The following PHF14 variants were observed in gnomAD, a reference collection of about 807,000 sequenced individuals.
PHF14 encodes PHD finger protein 14.
A neutral mutation model predicts 117.9 loss-of-function variants in PHF14; 55 were observed. The observed-to-expected ratio is 0.47, with a 90% confidence interval of 0.38 to 0.58. The LOEUF (loss-of-function observed/expected upper bound fraction) is 0.58. Among genes scored for constraint, PHF14 ranks in the 20% least tolerant of loss-of-function variants. The pLI is 0.00. For missense variants in PHF14, 978 were observed against 1,122.2 expected, an observed-to-expected ratio of 0.87 and a Z score of 1.84; for synonymous variants, 409 against 368.6, an observed-to-expected ratio of 1.11 and a Z score of -1.26.
chr7:11,169,371 G>A (rs1208249645), intron 17 of PHF14, 45 bp from the exon 18 acceptor site: 5 of 886,190 alleles, frequency 5.6e-6, no homozygotes, highest in South Asian at 1.7e-5. Context: ...GCTGATAAAT[G>A]CTCTAAAGTT....
At chr7:11,102,851 G>A (rs1421700518) in intron 16 of PHF14, 1 of 1,184,522 alleles carries the variant, frequency 8.4e-7, no homozygotes, top group Non-Finnish European at 1.1e-6. Context: ...GTCGTATTAA[G>A]TAATGTCTTT....
At chr7:11,065,271 A>G (rs1054728088) in intron 16 of PHF14, among the ~76,000 whole-genome samples, 4 of 152,190 alleles carry the variant, frequency 2.6e-5, no homozygotes, top group Admixed American at 2.6e-4. Flanking sequence ...TCTAAATGCT[A>G]AAGGTCAAGT....
At chr7:11,106,402 A>G in intron 16 of PHF14, 1 of 963,240 alleles carries the variant, frequency 1.0e-6, no homozygotes, top group Non-Finnish European at 1.2e-6. Flanking sequence ...AAATGATTAA[A>G]AACCATTTTC....
intron 17 of PHF14, among the ~76,000 whole-genome samples, chr7:11,152,790 A>C (rs1047819346): frequency 6.6e-6 from 1 of 152,188 alleles, no homozygotes; most frequent in Non-Finnish European, 1.5e-5. Flanking sequence ...GGAAGGGCAG[A>C]TTTTGTGCAT....
chr7:11,112,700 G>C (rs945121448), intron 17 of PHF14, among the ~76,000 whole-genome samples: 7 of 152,040 alleles, frequency 4.6e-5, no homozygotes, highest in African/African-American at 1.4e-4. Flanking sequence ...GAACCCGGGA[G>C]GCAGAGGTTG....
intron 17 of PHF14, among the ~76,000 whole-genome samples, chr7:11,111,777 A>G (rs904978504): frequency 1.3e-5 from 2 of 152,052 alleles, no homozygotes; most frequent in Non-Finnish European, 2.9e-5. Context: ...CACACTTGAG[A>G]ATGGCAGGAA....
intron 17 of PHF14, among the ~76,000 whole-genome samples, chr7:11,165,868 G>T (rs1386052146): frequency 6.6e-6 from 1 of 152,166 alleles, no homozygotes; most frequent in East Asian, 1.9e-4. Context: ...ACATGGCAGT[G>T]TGTTTACTTA....
chr7:10,975,709 T>C (rs1351032809), intron 2 of PHF14, among the ~76,000 whole-genome samples: 1 of 152,196 alleles, frequency 6.6e-6, no homozygotes, highest in Non-Finnish European at 1.5e-5. Flanking sequence ...ATGAAAATTA[T>C]GTGTAATTCC....
intron 4 of PHF14, among the ~76,000 whole-genome samples, chr7:11,003,162 A>C (rs1782941420): frequency 6.6e-6 from 1 of 151,904 alleles, no homozygotes; most frequent in African/African-American, 2.4e-5. Context: ...GATGGTCTTG[A>C]TCTCCTGACC....
chr7:11,086,179 T>G (rs1397888900), intron 16 of PHF14, among the ~76,000 whole-genome samples: 1 of 152,186 alleles, frequency 6.6e-6, no homozygotes, highest in Non-Finnish European at 1.5e-5. Flanking sequence ...TCCAGTTGTC[T>G]TACTAAAACA....
At chr7:11,049,915 A>G (rs1784796729) in intron 13 of PHF14, among the ~76,000 whole-genome samples, 1 of 152,192 alleles carries the variant, frequency 6.6e-6, no homozygotes, top group Non-Finnish European at 1.5e-5. Flanking sequence ...GTAGCAATAG[A>G]TACATAAAAG....
chr7:11,007,723 AC>A (rs748574744), intron 4 of PHF14, among the ~76,000 whole-genome samples: 10 of 152,214 alleles, frequency 6.6e-5, no homozygotes, highest in Admixed American at 1.3e-4. Flanking sequence ...GAAGAAAAAA[AC>A]ATTTCTAATT....
At chr7:11,078,659 A>G (rs1785959716) in intron 16 of PHF14, among the ~76,000 whole-genome samples, 2 of 152,148 alleles carry the variant, frequency 1.3e-5, no homozygotes, top group Non-Finnish European at 2.9e-5. Context: ...CTCTCACCCA[A>G]CAGTGCTATT....
rs564586302 is a variant in PHF14, at chr7:11,081,085, A to T, written c.2654+19000A>T. ...TATATGTGTGTGTGTATTTATATGT[A>T]TATATATGTGAGTGTGTGTATATAA... On this transcript the variant is annotated intron_variant, in intron 16 of 17. Transcript: ENST00000634607. Among the ~76,000 whole-genome samples the T allele has an allele frequency of 5.6e-4, 85 of 152,280 alleles. No individual in the cohort carries two copies. The South Asian group carries it at 0.017, about 30-fold the overall frequency.
At chr7:11,033,314 T>G (rs1784188267) in intron 7 of PHF14, among the ~76,000 whole-genome samples, 1 of 152,186 alleles carries the variant, frequency 6.6e-6, no homozygotes, top group Admixed American at 6.5e-5. Flanking sequence ...GTTCCAGGGA[T>G]CAGTTCCCTT....
intron 6 of PHF14, among the ~76,000 whole-genome samples, chr7:11,027,713 T>C (rs1456776819): frequency 1.7e-5 from 2 of 119,878 alleles, no homozygotes; most frequent in Non-Finnish European, 4.1e-5. Flanking sequence ...TTTAGTTGTC[T>C]TAAAGATATT....
At chr7:11,073,494 C>T (rs926300664) in intron 16 of PHF14, among the ~76,000 whole-genome samples, 4 of 152,230 alleles carry the variant, frequency 2.6e-5, no homozygotes, top group African/African-American at 9.6e-5. Flanking sequence ...GGCAGCTCTG[C>T]TGCTGTGGCT....
At chr7:10,983,956 GTA>G (rs1298302542) in intron 3 of PHF14, among the ~76,000 whole-genome samples, 5 of 152,026 alleles carry the variant, frequency 3.3e-5, no homozygotes, top group Admixed American at 1.3e-4. Context: ...GTGTGTTTTT[GTA>G]TATGTTTTTC....
At chr7:11,028,923 C>A in intron 7 of PHF14, 105 bp downstream of exon 7, 1 of 938,228 alleles carries the variant, frequency 1.1e-6, no homozygotes, top group Admixed American at 3.1e-5. Flanking sequence ...AACATTTATT[C>A]TTAAAGTTCT....
Sources: allele counts gnomAD v4.1 joint callset (sites outside exome capture counted in the v4.1 genomes callset), GRCh38; gene constraint gnomAD v4.1.1; transcripts MANE v1.5; gene names NCBI Gene and HGNC (gene_info 2026-07-23, HGNC 2026-07-21).